BCAR1: variants seen among roughly 807,000 people sequenced by gnomAD.
BCAR1 encodes the protein BCAR1 scaffold protein, Cas family member, also known as breast cancer anti-estrogen resistance protein 1.
A neutral mutation model predicts 67.6 loss-of-function variants in BCAR1; 30 were observed. The ratio of observed to expected loss-of-function variants is 0.44; its 90% CI spans 0.33 to 0.60. The LOEUF (loss-of-function observed/expected upper bound fraction) is 0.60. BCAR1 is among the 20% of genes least tolerant of loss of function. The pLI, the probability that BCAR1 is intolerant of heterozygous loss-of-function variation, is 0.02. For synonymous variants in BCAR1, 626 were observed against 556.7 expected, an observed-to-expected ratio of 1.12 and a Z score of -1.75; for missense variants, 1,313 against 1,222.3, an observed-to-expected ratio of 1.07 and a Z score of -1.11.
At position 75,229,354 on chromosome 16, in the gene BCAR1, CATAA is replaced by C; in HGVS notation, c.*153_*156del. Reference sequence around the variant, plus strand: ...GGCATGGCCCCACACCCTGCCCGGCCATAAATATATACAGATTCCTGGGCATCCA... The same window carrying C: ...GGCATGGCCCCACACCCTGCCCGGCCATATATACAGATTCCTGGGCATCCA... On this transcript the variant is annotated 3_prime_UTR_variant, in exon 7 of 7. Coordinates refer to ENST00000162330, the MANE Select transcript of BCAR1 (RefSeq NM_014567.5). The C allele has an allele frequency of 8.2e-7, 1 of 1,216,680 alleles. No individual in the cohort carries two copies. Among genetic ancestry groups the C allele is most frequent in the Non-Finnish European group, 1.1e-6 (1 of 908,278 alleles). 75.4% of individuals were successfully genotyped at this position (1,216,680 alleles called of 1,614,324 possible).
chr16:75,234,164 G>GACAC (rs60447098), intron 5 of BCAR1, among the ~76,000 whole-genome samples: 4,684 of 94,890 alleles, frequency 0.049, 214 homozygotes, highest in African/African-American at 0.12. Context: ...CAGGCAGACA[G>GACAC]ACACACACAC....
At chr16:75,246,866 A>T (rs1005501464) in intron 1 of BCAR1, 2 of 152,312 alleles carry the variant, frequency 1.3e-5, no homozygotes, top group African/African-American at 4.8e-5. Context: ...AAGCTGGGCC[A>T]GTCAGGTGCT....
rs571141199 is a variant in BCAR1 at position 75,262,379 on chromosome 16, A to G, written c.66+5536T>C. ...CCTGACACAACCACATCACCCCACC[A>G]ACAAATGGACAATGGCAGACGGCGC... On this transcript the variant is annotated intron_variant, in intron 1 of 6. Coordinates refer to the BCAR1 transcript ENST00000393422. 5.3e-5 allele frequency among the ~76,000 whole-genome samples: 8 copies of G among 152,274 alleles called. No individual in the cohort carries two copies. In the South Asian group the frequency reaches 1.5e-3, roughly 28 times the overall value.
Position 75,229,783 on chromosome 16 carries a change from G to A in BCAR1, c.2341C>T (p.His781Tyr), listed in dbSNP as rs1567578315. ...GCGCTGAGGATGACGAACTTGCTGTGCGCCACAAAGATCTTGGGCGGCTGG... is the reference window on the plus strand; with the variant it reads ...GCGCTGAGGATGACGAACTTGCTGTACGCCACAAAGATCTTGGGCGGCTGG... ...TNQPPKIFVA[H>Y]SKFVILSAHK... The change falls in exon 7 of 7, where the codon CAC becomes TAC. Residue 781 changes from histidine (H) to tyrosine (Y), a missense_variant. Transcript: ENST00000162330. 3.1e-6 allele frequency: 5 copies of A among 1,613,534 alleles called. No individual in the cohort carries two copies. Among genetic ancestry groups the A allele is most frequent in the Non-Finnish European group, 4.2e-6 (5 of 1,180,016 alleles).
intron 1 of BCAR1, among the ~76,000 whole-genome samples, chr16:75,243,628 C>G (rs1288515061): frequency 6.6e-6 from 1 of 152,216 alleles, no homozygotes; most frequent in East Asian, 1.9e-4. Flanking sequence ...AAACACCTTC[C>G]CCAAGGCTGG....
rs1231302247 is a variant in BCAR1, at chr16:75,229,451, G to T, written c.*60C>A. 5 of 1,455,854 alleles carry T rather than the reference G, an allele frequency of 3.4e-6. No homozygotes were observed. In the African/African-American group the frequency reaches 5.6e-5, roughly 16 times the overall value. 90.2% of individuals were successfully genotyped at this position (1,455,854 alleles called of 1,614,324 possible). On this transcript the variant is annotated 3_prime_UTR_variant, in exon 7 of 7. Transcript: ENST00000162330. ...CTGTGGCACAGCGACTCTTGACATG[G>T]GAGCCAGGGAGCTGGGACCGCCGCA...
intron 1 of BCAR1, chr16:75,265,953 C>T: frequency 9.3e-7 from 1 of 1,081,002 alleles, no homozygotes; most frequent in Non-Finnish European, 1.1e-6. Context: ...GCTCCTCCGG[C>T]TCCTGAGCGT....
chr16:75,237,569 G>T, intron 2 of BCAR1: 2 of 528,224 alleles, frequency 3.8e-6, no homozygotes, highest in Non-Finnish European at 6.3e-6. Context: ...ATTCAGAGCT[G>T]CCTCGTCCTG....
chr16:75,243,608 T>C (rs1463829153), intron 1 of BCAR1: 1 of 434,364 alleles, frequency 2.3e-6, no homozygotes, highest in Non-Finnish European at 4.6e-6. Flanking sequence ...GTAATTAATT[T>C]AGAAACTTCA....
At chr16:75,241,029 G>C (rs2077321431) in intron 2 of BCAR1, among the ~76,000 whole-genome samples, 1 of 152,390 alleles carries the variant, frequency 6.6e-6, no homozygotes, top group Middle Eastern at 3.4e-3. Context: ...GTGGGGATGT[G>C]CCTGACCTTG....
chr16:75,237,985 C>T (rs995594874), intron 2 of BCAR1: 60 of 1,263,042 alleles, frequency 4.8e-5, no homozygotes, highest in South Asian at 4.4e-4. Context: ...GCGCCTGCCC[C>T]GGGGGAGCTG....
intron 2 of BCAR1, among the ~76,000 whole-genome samples, chr16:75,240,450 C>G (rs879882662): frequency 6.6e-6 from 1 of 152,192 alleles, no homozygotes; most frequent in African/African-American, 2.4e-5. Flanking sequence ...AAGTCCAAGG[C>G]GGCTCAGGGA....
chr16:75,234,815 A>G (rs2077041857), intron 5 of BCAR1, 74 bp downstream of exon 5: 2 of 1,503,066 alleles, frequency 1.3e-6, no homozygotes, highest in Non-Finnish European at 1.8e-6. Context: ...GCCCCAGCTG[A>G]GAACAAATCT....
At chr16:75,262,863 G>T (rs11149810) in intron 1 of BCAR1, among the ~76,000 whole-genome samples, 2 of 152,014 alleles carry the variant, frequency 1.3e-5, no homozygotes, top group Non-Finnish European at 2.9e-5. Flanking sequence ...TCCCAGGGAC[G>T]CAGAAGAGGT....
chr16:75,241,453 C>G (rs1487159081), intron 2 of BCAR1, among the ~76,000 whole-genome samples: 1 of 152,128 alleles, frequency 6.6e-6, no homozygotes, highest in Non-Finnish European at 1.5e-5. Flanking sequence ...TCCCTGCCGC[C>G]TCCCCAGGGG....
chr16:75,238,060 G>A (rs2077205501), intron 2 of BCAR1: 1 of 1,288,896 alleles, frequency 7.8e-7, no homozygotes. Flanking sequence ...GTGGGTCCAG[G>A]GCCAGCCCTC....
chr16:75,266,837 C>A (rs1249047597), intron 1 of BCAR1: 6 of 1,274,142 alleles, frequency 4.7e-6, no homozygotes, highest in Non-Finnish European at 6.1e-6. Flanking sequence ...GCTGCCCACC[C>A]CAGGGAGGAA....
intron 6 of BCAR1, 76 bp from the exon 7 acceptor site, chr16:75,230,099 T>G: frequency 6.7e-7 from 1 of 1,492,678 alleles, no homozygotes; most frequent in Non-Finnish European, 8.9e-7. Context: ...CTGGGCACCC[T>G]GGGCTGGGCT....
intron 1 of BCAR1, chr16:75,247,780 CAT>C: frequency 2.0e-6 from 1 of 489,198 alleles, no homozygotes; most frequent in Non-Finnish European, 3.7e-6. Flanking sequence ...AGGCCTGGCT[CAT>C]ATCTGGCCTG....
Sources: gnomAD v4.1 joint callset for allele counts (sites outside exome capture counted in the v4.1 genomes callset) on GRCh38, gnomAD v4.1.1 for gene constraint, MANE v1.5 for transcripts, NCBI Gene and HGNC (gene_info 2026-07-23, HGNC 2026-07-21) for gene names.